The following THSD7B variants were observed in gnomAD, a reference collection of about 807,000 sequenced individuals.
THSD7B encodes thrombospondin type 1 domain containing 7B.
Under a neutral mutation model 213.6 loss-of-function variants are expected in THSD7B, and 138 were observed. The observed-to-expected ratio is 0.65, with a 90% CI of 0.56 to 0.74. The LOEUF (loss-of-function observed/expected upper bound fraction) is 0.74. THSD7B is among the 30% of genes least tolerant of loss of function. THSD7B has a pLI of 0.00. For synonymous variants in THSD7B, 742 were observed against 687.0 expected (o/e 1.08, Z -1.25); for missense variants, 1,931 against 1,991.5 (o/e 0.97, Z 0.58).
intron 15 of THSD7B, among the ~76,000 whole-genome samples, chr2:137,541,389 C>G (rs570615701): frequency 9.4e-4 from 142 of 151,514 alleles, no homozygotes; most frequent in Non-Finnish European, 1.7e-3. Context: ...AAGGAGACAA[C>G]TATTTTTCAA....
At chr2:137,101,244 T>C (rs1688144350) in intron 4 of THSD7B, among the ~76,000 whole-genome samples, 2 of 151,930 alleles carry the variant, frequency 1.3e-5, no homozygotes, top group African/African-American at 2.4e-5. Flanking sequence ...CATCATGTTG[T>C]CCAGGCAGGC....
chr2:137,500,517 G>A (rs1310641889), intron 15 of THSD7B, among the ~76,000 whole-genome samples: 7 of 152,154 alleles, frequency 4.6e-5, no homozygotes, highest in African/African-American at 1.7e-4. Flanking sequence ...AAATTAGGAA[G>A]GTCTAAATTA....
At chr2:136,911,951 A>G (rs571647583) in intron 2 of THSD7B, among the ~76,000 whole-genome samples, 1 of 152,300 alleles carries the variant, frequency 6.6e-6, no homozygotes, top group South Asian at 2.1e-4. Flanking sequence ...GGATGGATGA[A>G]TAGCAGGTCT....
chr2:137,431,164 C>A (rs905075668), intron 14 of THSD7B, among the ~76,000 whole-genome samples: 2 of 152,116 alleles, frequency 1.3e-5, no homozygotes, highest in Non-Finnish European at 2.9e-5. Context: ...AGACAACAAT[C>A]AAATACACTT....
chr2:137,585,686 G>A (rs546174069), intron 17 of THSD7B, among the ~76,000 whole-genome samples: 3 of 152,252 alleles, frequency 2.0e-5, no homozygotes, highest in Non-Finnish European at 2.9e-5. Flanking sequence ...TAGTTTGATT[G>A]CACTGTGGTC....
In THSD7B at chr2:136,953,845, C is replaced by G. The variant is rs544867278; in HGVS notation, c.139+71528C>G. On this transcript the variant is annotated intron_variant, in intron 2 of 27. Coordinates refer to ENST00000409968, the MANE Select transcript of THSD7B (RefSeq NM_001316349.2). ...TCTAGTTTACTGTGCTCTTTCCTGT[C>G]GAGGTACTTAAGAGTCATTAAAATC... Among the ~76,000 whole-genome samples the G allele has an allele frequency of 3.9e-5, 6 of 152,242 alleles. No homozygotes were observed. In the East Asian group the frequency reaches 9.6e-4, roughly 24 times the overall value.
At chr2:137,275,737 A>T (rs1173813611) in intron 11 of THSD7B, among the ~76,000 whole-genome samples, 186 bp from the exon 12 acceptor site, 2 of 152,092 alleles carry the variant, frequency 1.3e-5, no homozygotes, top group East Asian at 3.9e-4. Context: ...CTAAATCATG[A>T]ATCTGGGGTA....
intron 15 of THSD7B, among the ~76,000 whole-genome samples, chr2:137,488,583 T>A (rs560752820): frequency 4.6e-5 from 7 of 152,332 alleles, no homozygotes; most frequent in Admixed American, 3.3e-4. Flanking sequence ...ATCTGAAAGA[T>A]GGTGTTTTCA....
At chr2:136,796,336 T>C (rs1682063344) in intron 1 of THSD7B, among the ~76,000 whole-genome samples, 1 of 151,972 alleles carries the variant, frequency 6.6e-6, no homozygotes. Context: ...GAGGACACTT[T>C]CACTTGTTTT....
chr2:137,017,226 C>G (rs2104839758), intron 2 of THSD7B, among the ~76,000 whole-genome samples: 1 of 151,568 alleles, frequency 6.6e-6, no homozygotes, highest in Admixed American at 6.6e-5. Context: ...AAAAAGAAAA[C>G]AGCAAACATG....
chr2:137,374,538 G>T (rs960815792), intron 12 of THSD7B, among the ~76,000 whole-genome samples: 3 of 152,112 alleles, frequency 2.0e-5, no homozygotes, highest in African/African-American at 7.2e-5. Flanking sequence ...TATATTTGTT[G>T]TGGAAAATGC....
At chr2:137,469,978 A>G (rs1688061942) in intron 15 of THSD7B, among the ~76,000 whole-genome samples, 2 of 152,236 alleles carry the variant, frequency 1.3e-5, no homozygotes, top group South Asian at 4.1e-4. Flanking sequence ...TTGGGGGAAA[A>G]CATACAATTA....
At chr2:136,988,558 G>C (rs773535384) in intron 2 of THSD7B, among the ~76,000 whole-genome samples, 15 of 152,172 alleles carry the variant, frequency 9.9e-5, no homozygotes, top group Non-Finnish European at 1.9e-4. Context: ...TCCATGTGTG[G>C]AGCTTCCAGC....
At chr2:137,084,468 A>G (rs1212680833) in intron 3 of THSD7B, among the ~76,000 whole-genome samples, 3 of 152,184 alleles carry the variant, frequency 2.0e-5, no homozygotes, top group East Asian at 3.9e-4. Context: ...TTGGGCACAA[A>G]TCTATGTATT....
chr2:137,106,168 A>G (rs538724613), intron 4 of THSD7B, among the ~76,000 whole-genome samples: 28 of 152,320 alleles, frequency 1.8e-4, no homozygotes, highest in Non-Finnish European at 3.7e-4. Flanking sequence ...ACAGTAACCA[A>G]AATAGCATGT....
intron 12 of THSD7B, among the ~76,000 whole-genome samples, chr2:137,308,002 T>C (rs190175600): frequency 7.9e-5 from 12 of 152,112 alleles, no homozygotes; most frequent in African/African-American, 2.6e-4. Flanking sequence ...AACCATTTTC[T>C]ACCATGCGAG....
intron 12 of THSD7B, among the ~76,000 whole-genome samples, chr2:137,305,927 G>T (rs1399042277): frequency 6.6e-6 from 1 of 152,122 alleles, no homozygotes; most frequent in East Asian, 1.9e-4. Flanking sequence ...ACTGAATACT[G>T]TAGGCAATGA....
chr2:136,935,888 C>T (rs1684716859), intron 2 of THSD7B, among the ~76,000 whole-genome samples: 1 of 147,536 alleles, frequency 6.8e-6, no homozygotes, highest in African/African-American at 2.5e-5. Flanking sequence ...TATATAATTA[C>T]ATATAATATA....
intron 17 of THSD7B, among the ~76,000 whole-genome samples, chr2:137,615,424 C>G (rs1018239082): frequency 6.6e-6 from 1 of 152,072 alleles, no homozygotes; most frequent in Admixed American, 6.5e-5. Flanking sequence ...GAAGATTGTT[C>G]GAGTAGGAGG....
Sources: allele counts gnomAD v4.1 joint callset (sites outside exome capture counted in the v4.1 genomes callset), GRCh38; gene constraint gnomAD v4.1.1; transcripts MANE v1.5; gene names NCBI Gene and HGNC (gene_info 2026-07-23, HGNC 2026-07-21).